SIGLEC15: variants seen among roughly 807,000 people sequenced by gnomAD.
SIGLEC15 encodes sialic acid binding Ig like lectin 15.
SIGLEC15 carries 31 observed loss-of-function variants against 26.2 expected under a neutral mutation model. The ratio of observed to expected loss-of-function variants is 1.18; its 90% CI spans 0.89 to 1.60. SIGLEC15 has a LOEUF of 1.60. Ranked by LOEUF, SIGLEC15 falls within the 40% of genes most tolerant of loss-of-function variation. The probability of loss-of-function intolerance (pLI) is 0.00; values close to 1 mark genes in which losing one functional copy is unlikely to be tolerated. For synonymous variants in SIGLEC15, 207 were observed against 221.9 expected, an observed-to-expected ratio of 0.93 and a Z score of 0.60; for missense variants, 501 against 488.4, an observed-to-expected ratio of 1.03 and a Z score of -0.24.
At chr18:45,829,227 G>A in intron 1 of SIGLEC15, 1 of 904,374 alleles carries the variant, frequency 1.1e-6, no homozygotes, top group Non-Finnish European at 1.3e-6. Flanking sequence ...TGCGGCAGAG[G>A]CATGGGTTAA....
chr18:45,831,215 C>T (rs562869828), intron 1 of SIGLEC15, among the ~76,000 whole-genome samples: 3 of 152,314 alleles, frequency 2.0e-5, no homozygotes, highest in Admixed American at 1.3e-4. Flanking sequence ...CTGCTACACT[C>T]GCCTGCTGCC....
intron 1 of SIGLEC15, among the ~76,000 whole-genome samples, chr18:45,833,007 T>C (rs567981779): frequency 2.6e-5 from 4 of 152,226 alleles, no homozygotes; most frequent in African/African-American, 9.6e-5. Context: ...TCGTAACCCT[T>C]GGTGAAAGAC....
intron 1 of SIGLEC15, 111 bp downstream of exon 1, chr18:45,825,891 G>C (rs571437234): frequency 5.4e-6 from 7 of 1,298,536 alleles, no homozygotes; most frequent in African/African-American, 4.4e-5. Context: ...GAGCCTCCAG[G>C]CCTGTGGAGG....
intron 4 of SIGLEC15, among the ~76,000 whole-genome samples, chr18:45,839,537 G>T (rs1344735125): frequency 6.6e-6 from 1 of 152,128 alleles, no homozygotes. Flanking sequence ...CGTGCTGAGC[G>T]GTAGACAGAT....
chr18:45,833,236 C>A (rs1403684882), intron 1 of SIGLEC15, among the ~76,000 whole-genome samples: 1 of 152,186 alleles, frequency 6.6e-6, no homozygotes, highest in East Asian at 1.9e-4. Context: ...TGTGGTTCTG[C>A]AAACCCCAGT....
In SIGLEC15 at chr18:45,837,105, T is replaced by C; in HGVS notation, c.112+17T>C. ...AGGTGCACAGTAAGTGCTTTTATTATTATCACCATCTCGGGGATCTTGGGA... is the reference window on the plus strand; with the variant it reads ...AGGTGCACAGTAAGTGCTTTTATTACTATCACCATCTCGGGGATCTTGGGA... On this transcript the variant is annotated intron_variant, in intron 2 of 5. Transcript: ENST00000389474. 2 of 1,612,758 alleles carry C rather than the reference T, an allele frequency of 1.2e-6. No homozygotes were observed. The highest frequency in any genetic ancestry group is 1.7e-6 in the Non-Finnish European group (2 of 1,179,466).
chr18:45,834,585 CCATCTTTACGG>C (rs1371084813), intron 1 of SIGLEC15, among the ~76,000 whole-genome samples: 1 of 152,154 alleles, frequency 6.6e-6, no homozygotes, highest in East Asian at 1.9e-4. Flanking sequence ...TTGTTCATGC[CCATCTTTACGG>C]CATCTGGCAG....
Position 45,838,594 on chromosome 18 carries a change from G to C in SIGLEC15, c.497-124G>C, listed in dbSNP as rs1341768293. On this transcript the variant is annotated intron_variant, in intron 3 of 5. Coordinates refer to ENST00000389474, the MANE Select transcript of SIGLEC15 (RefSeq NM_213602.3). Reference sequence around the variant, plus strand: ...CAAGGCCACATCTGTATTGGGACGGGGGCAGCCTGGCACCCAAGTGCCCAT... The same window carrying C: ...CAAGGCCACATCTGTATTGGGACGGCGGCAGCCTGGCACCCAAGTGCCCAT... The C allele has an allele frequency of 2.3e-6, 3 of 1,307,966 alleles. No homozygotes were observed. In the East Asian group the frequency reaches 8.2e-5, roughly 36 times the overall value. The allele number at this position is 1,307,966 out of a possible 1,614,324, so 81.0% of individuals were successfully genotyped here. A position where few individuals can be genotyped will look rare whatever the true frequency, so the allele number is the denominator to read the frequency against.
At chr18:45,826,908 CTGTT>C (rs920882955) in intron 1 of SIGLEC15, among the ~76,000 whole-genome samples, 22 of 152,234 alleles carry the variant, frequency 1.4e-4, no homozygotes, top group East Asian at 3.9e-4. Context: ...GAAAGGAACT[CTGTT>C]TGTTTGTTTG....
Position 45,837,556 on chromosome 18 carries a change from G to C in SIGLEC15, c.156G>C (p.Val52=). ...QRWSMQVPPE[V]SAEAGDAAVL... ...GGTCCATGCAGGTGCCACCCGAGGT[G>C]AGCGCGGAGGCAGGCGACGCGGCAG... Residue 52 remains valine (V), a synonymous_variant, in exon 3 of 6, where the codon GTG becomes GTC. Transcript: ENST00000389474. 1.3e-6 allele frequency: 2 copies of C among 1,516,282 alleles called. No individual in the cohort carries two copies. The highest frequency in any genetic ancestry group is 8.8e-7 in the Non-Finnish European group (1 of 1,139,598). The allele number at this position is 1,516,282 out of a possible 1,614,324, so 93.9% of individuals were successfully genotyped here.
intron 1 of SIGLEC15, among the ~76,000 whole-genome samples, chr18:45,835,453 C>G (rs186988661): frequency 6.6e-6 from 1 of 152,254 alleles, no homozygotes; most frequent in East Asian, 1.9e-4. Flanking sequence ...AGTAACTAAG[C>G]AGTCTATCAA....
At chr18:45,831,520 A>G (rs1213537750) in intron 1 of SIGLEC15, among the ~76,000 whole-genome samples, 1 of 152,126 alleles carries the variant, frequency 6.6e-6, no homozygotes, top group African/African-American at 2.4e-5. Context: ...CAGACTGTCA[A>G]CCTAACGAGG....
At chr18:45,837,451 C>G in intron 2 of SIGLEC15, 62 bp from the exon 3 acceptor site, 2 of 1,417,842 alleles carry the variant, frequency 1.4e-6, no homozygotes, top group Non-Finnish European at 1.8e-6. Context: ...GGTTTCCAGG[C>G]CCCGGGTGCG....
At chr18:45,827,387 G>A (rs2048194031) in intron 1 of SIGLEC15, among the ~76,000 whole-genome samples, 1 of 152,178 alleles carries the variant, frequency 6.6e-6, no homozygotes, top group Admixed American at 6.5e-5. Flanking sequence ...CCCTTGGTAG[G>A]CACTGACAGG....
chr18:45,837,904 G>A lies in SIGLEC15; in HGVS notation c.496+8G>A, dbSNP rs761310809. 2.0e-6 allele frequency: 3 copies of A among 1,495,684 alleles called. No individual in the cohort carries two copies. The highest frequency in any genetic ancestry group is 2.6e-6 in the Non-Finnish European group (3 of 1,133,722). The allele number at this position is 1,495,684 out of a possible 1,614,324, so 92.7% of individuals were successfully genotyped here. On this transcript the variant is annotated splice_region_variant and intron_variant, in intron 3 of 5. Coordinates refer to ENST00000389474, the MANE Select transcript of SIGLEC15 (RefSeq NM_213602.3). The stretch of plus-strand genomic sequence containing the variant: ...TCCGGCTGCACGTGACAGGCGAGGC[G>A]GCGTGGGAGCGGGTCCCCGGCCTCC...
intron 4 of SIGLEC15, among the ~76,000 whole-genome samples, chr18:45,839,895 CTT>C (rs1211182381): frequency 6.6e-6 from 1 of 152,144 alleles, no homozygotes; most frequent in Non-Finnish European, 1.5e-5. Flanking sequence ...TGAGATCAGA[CTT>C]TGTCACAGTG....
chr18:45,826,179 G>A (rs1446073327), intron 1 of SIGLEC15, among the ~76,000 whole-genome samples: 1 of 152,130 alleles, frequency 6.6e-6, no homozygotes, highest in Non-Finnish European at 1.5e-5. Flanking sequence ...GAAGGGCGGG[G>A]AGTGCATGGG....
At chr18:45,837,005 G>C in intron 1 of SIGLEC15, 24 bp from the exon 2 acceptor site, 1 of 1,169,498 alleles carries the variant, frequency 8.6e-7, no homozygotes, top group Non-Finnish European at 1.3e-6. Context: ...CGTGTAACCC[G>C]GGGTTAACTG....
chr18:45,838,664 A>G (rs1195406936), intron 3 of SIGLEC15, 54 bp from the exon 4 acceptor site: 1 of 1,471,006 alleles, frequency 6.8e-7, no homozygotes, highest in Non-Finnish European at 8.9e-7. Context: ...CTGGCGTCCA[A>G]AGGGCTAAGG....
Sources: gnomAD v4.1 joint callset for allele counts (sites outside exome capture counted in the v4.1 genomes callset) on GRCh38, gnomAD v4.1.1 for gene constraint, MANE v1.5 for transcripts, NCBI Gene and HGNC (gene_info 2026-07-23, HGNC 2026-07-21) for gene names.